Variants in ESR1 observed in about 807,000 individuals in gnomAD.
ESR1 encodes estrogen receptor.
A neutral mutation model predicts 52.7 loss-of-function variants in ESR1; 12 were observed. That is an observed-to-expected ratio of 0.23 (90% CI 0.15 to 0.37). ESR1 has a LOEUF of 0.37. Ranked by LOEUF, ESR1 falls within the 10% of genes least tolerant of loss-of-function variation. ESR1 has a pLI of 1.00. For synonymous variants in ESR1, 305 were observed against 316.8 expected, an observed-to-expected ratio of 0.96 and a Z score of 0.39; for missense variants, 584 against 779.7, an observed-to-expected ratio of 0.75 and a Z score of 2.99.
chr6:151,979,750 G>A (rs377130641), intron 4 of ESR1, among the ~76,000 whole-genome samples: 199 of 152,070 alleles, frequency 1.3e-3, no homozygotes, highest in African/African-American at 4.4e-3. Flanking sequence ...TTGCAATGTT[G>A]CTTTTTTTTA....
Position 151,849,978 on chromosome 6 carries a change from T to TTATATATATA in ESR1, c.643+7210_643+7219dup, listed in dbSNP as rs66502837. 5.9e-5 allele frequency among the ~76,000 whole-genome samples: 5 copies of TTATATATATA among 84,132 alleles called. 1 individual carries two copies. The South Asian group carries it at 1.5e-3, about 25-fold the overall frequency. The allele number at this position is 84,132 out of a possible 152,430, so 55.2% of individuals were successfully genotyped here. A position where few individuals can be genotyped will look rare whatever the true frequency, so the allele number is the denominator to read the frequency against. Reference sequence around the variant, plus strand: ...TCTTTCCACCTAGTTTCCTAGGGAATTATATATATATATATATATATATAT... The same window carrying TTATATATATA: ...TCTTTCCACCTAGTTTCCTAGGGAATTATATATATATATATATATATATATATATATATAT... On this transcript the variant is annotated intron_variant, in intron 2 of 7. Transcript: ENST00000206249.
chr6:151,795,466 C>T (rs1038449426), intron 2 of ESR1, among the ~76,000 whole-genome samples: 12 of 132,238 alleles, frequency 9.1e-5, no homozygotes, highest in East Asian at 2.2e-4. Context: ...CCAGCCCAGG[C>T]GGCAGAGTGA....
chr6:151,720,970 G>C (rs942145785), intron 2 of ESR1, among the ~76,000 whole-genome samples: 18 of 152,326 alleles, frequency 1.2e-4, no homozygotes, highest in African/African-American at 3.8e-4. Flanking sequence ...GTAATATAAA[G>C]AGAATATGTA....
chr6:151,855,947 CTG>C (rs1447791462), intron 2 of ESR1, among the ~76,000 whole-genome samples: 3 of 152,140 alleles, frequency 2.0e-5, no homozygotes, highest in Non-Finnish European at 4.4e-5. Flanking sequence ...TGTGTGATAA[CTG>C]TGTATTTTTA....
At chr6:152,052,823 A>C (rs2046795330) in intron 5 of ESR1, among the ~76,000 whole-genome samples, 1 of 152,104 alleles carries the variant, frequency 6.6e-6, no homozygotes, top group Admixed American at 6.5e-5. Flanking sequence ...TGTTCTGGAA[A>C]ACTTGCCTTT....
At chr6:151,988,238 G>A (rs150605633) in intron 4 of ESR1, among the ~76,000 whole-genome samples, 2,010 of 152,118 alleles carry the variant, frequency 0.013, 53 homozygotes, top group African/African-American at 0.046. Context: ...GCAACTAGAC[G>A]GTCCCATCTG....
intron 2 of ESR1, among the ~76,000 whole-genome samples, chr6:151,757,998 G>A (rs939960014): frequency 6.6e-6 from 1 of 152,188 alleles, no homozygotes. Context: ...TTTATAAACT[G>A]TAAAGTGGCT....
chr6:151,810,048 C>G (rs1233000910), intron 1 of ESR1, among the ~76,000 whole-genome samples: 1 of 152,044 alleles, frequency 6.6e-6, no homozygotes, highest in Non-Finnish European at 1.5e-5. Flanking sequence ...CAAATTAATG[C>G]TGCTGAATTT....
intron 2 of ESR1, among the ~76,000 whole-genome samples, chr6:151,770,030 A>AG: frequency 6.6e-6 from 1 of 151,032 alleles, no homozygotes; most frequent in East Asian, 1.9e-4. Flanking sequence ...TCCATCTCAA[A>AG]AAAAAAAAAA....
At chr6:151,902,581 A>G (rs1249061686) in intron 3 of ESR1, among the ~76,000 whole-genome samples, 1 of 152,236 alleles carries the variant, frequency 6.6e-6, no homozygotes, top group East Asian at 1.9e-4. Flanking sequence ...TAGCTGTTGG[A>G]ATCAGACTAC....
chr6:152,062,955 A>G (rs1484021379), intron 6 of ESR1, among the ~76,000 whole-genome samples: 1 of 152,170 alleles, frequency 6.6e-6, no homozygotes, highest in Non-Finnish European at 1.5e-5. Context: ...TTTTAAAACT[A>G]TTATGCAAGA....
intron 4 of ESR1, among the ~76,000 whole-genome samples, chr6:151,989,008 T>C (rs536866428): frequency 6.6e-6 from 1 of 152,230 alleles, no homozygotes; most frequent in African/African-American, 2.4e-5. Context: ...TTCCTGAATA[T>C]CCCGATGCAT....
intron 6 of ESR1, among the ~76,000 whole-genome samples, chr6:152,113,689 G>T (rs2051174198): frequency 6.6e-6 from 1 of 152,066 alleles, no homozygotes; most frequent in South Asian, 2.1e-4. Context: ...ACAAGTGTGG[G>T]AAGATCTGGT....
At chr6:151,991,655 A>G (rs951183021) in intron 4 of ESR1, among the ~76,000 whole-genome samples, 5 of 152,174 alleles carry the variant, frequency 3.3e-5, no homozygotes, top group African/African-American at 1.2e-4. Context: ...ACTTGTCTCA[A>G]TGGCATGAGG....
intron 4 of ESR1, among the ~76,000 whole-genome samples, chr6:151,989,023 T>C (rs2040773454): frequency 6.6e-6 from 1 of 152,120 alleles, no homozygotes; most frequent in Non-Finnish European, 1.5e-5. Flanking sequence ...ATGCATCTCC[T>C]AGCTGGATCT....
intron 1 of ESR1, among the ~76,000 whole-genome samples, chr6:151,825,564 C>T (rs1419964040): frequency 6.6e-6 from 1 of 152,030 alleles, no homozygotes; most frequent in Non-Finnish European, 1.5e-5. Context: ...TTAAAGAATT[C>T]CCAGAGTCAC....
At chr6:151,863,451 TTATTGGTG>T (rs1789263447) in intron 2 of ESR1, among the ~76,000 whole-genome samples, 2 of 152,178 alleles carry the variant, frequency 1.3e-5, no homozygotes, top group Non-Finnish European at 2.9e-5. Context: ...TGTTTGTCTG[TTATTGGTG>T]TATAGAATGC....
intron 4 of ESR1, among the ~76,000 whole-genome samples, chr6:151,984,638 T>C (rs1228567702): frequency 6.6e-6 from 1 of 152,120 alleles, no homozygotes; most frequent in East Asian, 1.9e-4. Flanking sequence ...TATTTGTACG[T>C]ATTACTTCTA....
rs551139525 is a variant in ESR1, at chr6:152,027,590, A to C, written c.1235+15796A>C. Reference sequence around the variant, plus strand: ...CTTACATTTTTTCTCAAGTATTTTTAAGTGATTGCTTCATTATTTTGTAGT... The same window carrying C: ...CTTACATTTTTTCTCAAGTATTTTTCAGTGATTGCTTCATTATTTTGTAGT... On this transcript the variant is annotated intron_variant, in intron 5 of 7. Transcript: ENST00000206249. 5.0e-3 allele frequency among the ~76,000 whole-genome samples: 631 copies of C among 125,894 alleles called. 8 individuals are homozygous for C. The highest frequency in any genetic ancestry group is 0.017 in the African/African-American group (604 of 34,766). 82.6% of individuals were successfully genotyped at this position (125,894 alleles called of 152,430 possible).
Sources: gnomAD v4.1 joint callset for allele counts (sites outside exome capture counted in the v4.1 genomes callset) on GRCh38, gnomAD v4.1.1 for gene constraint, MANE v1.5 for transcripts, NCBI Gene and HGNC (gene_info 2026-07-23, HGNC 2026-07-21) for gene names.